COMMD6: variants seen among roughly 807,000 people sequenced by gnomAD.
COMMD6 encodes the protein COMM domain containing 6.
Under a neutral mutation model 13.4 loss-of-function variants are expected in COMMD6, and 11 were observed. That is an observed-to-expected ratio of 0.82 (90% CI 0.52 to 1.36). The LOEUF is 1.36. Ranked by LOEUF, COMMD6 falls within the 40% of genes most tolerant of loss-of-function variation. The pLI is 0.00. For missense variants in COMMD6, 124 were observed against 102.4 expected, an observed-to-expected ratio of 1.21 and a Z score of -0.91; for synonymous variants, 43 against 36.5, an observed-to-expected ratio of 1.18 and a Z score of -0.64.
In COMMD6 at chr13:75,537,791, G is replaced by C. The variant is rs780291841; in HGVS notation, c.15C>G (p.Ser5Arg). Reference protein sequence around the residue: MEASSEPPLDAKSDV... With the variant: MEASREPPLDAKSDV... ...CGGACTTAGCATCCAGCGGCGGCTC[G>C]CTGGACGCCTCCATGGGCAGCGTCT... The change falls in exon 1 of 4, where the codon AGC (serine) becomes AGG (arginine). Residue 5 changes from serine (S) to arginine (R), a missense_variant. Coordinates refer to ENST00000682242, the MANE Select transcript of COMMD6 (RefSeq NM_203495.4). 9 of 1,610,086 alleles carry C rather than the reference G, an allele frequency of 5.6e-6. No homozygotes were observed. Among genetic ancestry groups the C allele is most frequent in the South Asian group, 5.5e-5 (5 of 90,844 alleles).
upstream of COMMD6, chr13:75,537,874 T>A (rs1468288465): frequency 4.0e-5 from 60 of 1,496,176 alleles, no homozygotes; most frequent in East Asian, 7.1e-4. Flanking sequence ...CGCTTCCACG[T>A]CCTGCCCCTA....
intron 2 of COMMD6, among the ~76,000 whole-genome samples, chr13:75,533,300 C>T (rs928751177): frequency 2.6e-5 from 4 of 151,908 alleles, no homozygotes; most frequent in Admixed American, 2.0e-4. Flanking sequence ...GGCACGGTGG[C>T]TCACACCTGT....
At chr13:75,548,338 C>T (rs1335309737) in intron 1 of COMMD6, among the ~76,000 whole-genome samples, 1 of 152,120 alleles carries the variant, frequency 6.6e-6, no homozygotes, top group African/African-American at 2.4e-5. Context: ...TAATGAAATA[C>T]CTCTGAAGTC....
intron 3 of COMMD6, chr13:75,527,672 A>G (rs1190057666): frequency 3.8e-6 from 3 of 795,388 alleles, no homozygotes; most frequent in Non-Finnish European, 5.1e-6. Context: ...TCACACAGCC[A>G]TAAAAAAGAA....
intron 1 of COMMD6, among the ~76,000 whole-genome samples, chr13:75,547,538 C>A (rs1334085608): frequency 6.6e-6 from 1 of 152,210 alleles, no homozygotes; most frequent in Non-Finnish European, 1.5e-5. Context: ...ATCTTGGGCT[C>A]TGTCTCAGAC....
At chr13:75,547,684 C>T (rs184739072) in intron 1 of COMMD6, among the ~76,000 whole-genome samples, 181 of 152,238 alleles carry the variant, frequency 1.2e-3, no homozygotes, top group African/African-American at 3.6e-3. Flanking sequence ...ATAAACCAGA[C>T]GGTGGAAGTT....
At chr13:75,543,878 G>C (rs1196133052) in intron 1 of COMMD6, among the ~76,000 whole-genome samples, 2 of 152,136 alleles carry the variant, frequency 1.3e-5, no homozygotes, top group Non-Finnish European at 2.9e-5. Context: ...TATTTTAAAG[G>C]TGAGAAAACT....
At chr13:75,548,373 G>A (rs1207171666) in intron 1 of COMMD6, among the ~76,000 whole-genome samples, 1 of 152,186 alleles carries the variant, frequency 6.6e-6, no homozygotes, top group Non-Finnish European at 1.5e-5. Flanking sequence ...AGAAGAACGT[G>A]GGTGGGAGAG....
chr13:75,549,196 C>G (rs1017608292), intron 1 of COMMD6: 3 of 152,992 alleles, frequency 2.0e-5, no homozygotes, highest in Non-Finnish European at 2.9e-5. Context: ...ATACTTAGTA[C>G]AGTGATTTCT....
chr13:75,535,383 AG>A (rs1250571661), intron 2 of COMMD6, among the ~76,000 whole-genome samples: 2 of 152,236 alleles, frequency 1.3e-5, no homozygotes, highest in Admixed American at 1.3e-4. Flanking sequence ...ACATTGCAAA[AG>A]GCTCATCCAG....
intron 3 of COMMD6, 44 bp downstream of exon 3, chr13:75,530,070 T>C (rs1432969234): frequency 6.6e-7 from 1 of 1,504,522 alleles, no homozygotes; most frequent in Non-Finnish European, 9.1e-7. Context: ...TATGCAATGA[T>C]TACAGAAAAG....
intron 2 of COMMD6, among the ~76,000 whole-genome samples, chr13:75,534,019 G>A (rs2030580890): frequency 6.6e-6 from 1 of 151,792 alleles, no homozygotes; most frequent in Non-Finnish European, 1.5e-5. Flanking sequence ...GCTCAGGCTG[G>A]AGTGCAGTGG....
upstream of COMMD6, among the ~76,000 whole-genome samples, chr13:75,543,110 T>A (rs2030851671): frequency 6.6e-6 from 1 of 152,174 alleles, no homozygotes; most frequent in South Asian, 2.1e-4. Flanking sequence ...TTCTCACTTA[T>A]AAGTGGGAGC....
chr13:75,547,869 G>A (rs988172541), intron 1 of COMMD6, among the ~76,000 whole-genome samples: 1 of 152,208 alleles, frequency 6.6e-6, no homozygotes, highest in Admixed American at 6.5e-5. Context: ...TTTGGCTTTT[G>A]GAGATAGAAT....
At chr13:75,543,843 G>A (rs553920256) in intron 1 of COMMD6, among the ~76,000 whole-genome samples, 2 of 152,184 alleles carry the variant, frequency 1.3e-5, no homozygotes, top group South Asian at 4.1e-4. Flanking sequence ...GAAGCCTATA[G>A]GTTATGTAGA....
chr13:75,541,853 C>A (rs12865529), upstream of COMMD6, among the ~76,000 whole-genome samples: 31,394 of 151,884 alleles, frequency 0.21, 4,288 homozygotes, highest in African/African-American at 0.39. Context: ...CTTTCTAATC[C>A]CCAGAATTTA....
chr13:75,546,354 G>C (rs1485371098), intron 1 of COMMD6, among the ~76,000 whole-genome samples: 1 of 152,128 alleles, frequency 6.6e-6, no homozygotes, highest in African/African-American at 2.4e-5. Flanking sequence ...TCCTAAAAAA[G>C]GTGGATAGCT....
chr13:75,529,475 C>T (rs979063955), intron 3 of COMMD6, among the ~76,000 whole-genome samples: 3 of 140,372 alleles, frequency 2.1e-5, no homozygotes, highest in East Asian at 2.1e-4. Context: ...GAGCCAAGAT[C>T]GTGCCACTGC....
chr13:75,540,664 A>G (rs1196209900), upstream of COMMD6, among the ~76,000 whole-genome samples: 2 of 152,356 alleles, frequency 1.3e-5, no homozygotes, highest in East Asian at 3.9e-4. Context: ...CAAACTTCGC[A>G]GTTGGAAAAT....
Sources: allele counts gnomAD v4.1 joint callset (sites outside exome capture counted in the v4.1 genomes callset), GRCh38; gene constraint gnomAD v4.1.1; transcripts MANE v1.5; gene names NCBI Gene and HGNC (gene_info 2026-07-23, HGNC 2026-07-21).